Variants in TPTE observed in about 807,000 individuals in gnomAD.
TPTE encodes transmembrane phosphatase with tensin homology.
In TPTE, 59 loss-of-function variants were observed where a neutral mutation model predicts 84.1. The observed-to-expected ratio is 0.70, with a 90% CI of 0.57 to 0.87. The LOEUF (loss-of-function observed/expected upper bound fraction) is 0.87, where lower values mean the gene tolerates loss of function less well. Among genes scored for constraint, TPTE ranks in the 40% least tolerant of loss-of-function variants. The probability of loss-of-function intolerance (pLI) is 0.00; values close to 1 mark genes in which losing one functional copy is unlikely to be tolerated. For missense variants in TPTE, 382 were observed against 659.6 expected, an observed-to-expected ratio of 0.58 and a Z score of 4.61; for synonymous variants, 130 against 223.5, an observed-to-expected ratio of 0.58 and a Z score of 3.73.
At chr21:10,555,346 A>G (rs1209553541) in intron 8 of TPTE, among the ~76,000 whole-genome samples, 32 of 152,286 alleles carry the variant, frequency 2.1e-4, no homozygotes, top group Non-Finnish European at 1.0e-4. Context: ...AGCTGGGACT[A>G]CAGGCATGCA....
At chr21:10,524,170 G>A (rs1242467834) in intron 1 of TPTE, among the ~76,000 whole-genome samples, 10 of 152,422 alleles carry the variant, frequency 6.6e-5, no homozygotes, top group African/African-American at 2.4e-4. Context: ...AGGTCTCTGA[G>A]CAAGGGAGTC....
chr21:10,546,282 C>T (rs957210825), intron 7 of TPTE, among the ~76,000 whole-genome samples: 1 of 152,308 alleles, frequency 6.6e-6, no homozygotes, highest in Non-Finnish European at 1.5e-5. Context: ...GAACCATGTC[C>T]ATATTAAGAT....
At chr21:10,591,127 C>A (rs898394056) in intron 18 of TPTE, among the ~76,000 whole-genome samples, 5 of 152,300 alleles carry the variant, frequency 3.3e-5, no homozygotes, top group African/African-American at 1.2e-4. Context: ...CAAAGCCTCT[C>A]CTGAATGTAA....
chr21:10,549,862 A>G (rs1334649774), intron 7 of TPTE, among the ~76,000 whole-genome samples: 2 of 152,040 alleles, frequency 1.3e-5, no homozygotes, highest in African/African-American at 4.8e-5. Flanking sequence ...CATTCAACCC[A>G]GACATTATAG....
At chr21:10,589,093 C>T (rs573683679) in intron 17 of TPTE, among the ~76,000 whole-genome samples, 406 of 151,304 alleles carry the variant, frequency 2.7e-3, no homozygotes, top group Non-Finnish European at 3.1e-3. Context: ...AGAATTCTTG[C>T]GTGGGTCCTT....
intron 3 of TPTE, among the ~76,000 whole-genome samples, chr21:10,534,268 A>G (rs2074229757): frequency 6.6e-6 from 1 of 152,308 alleles, no homozygotes; most frequent in Non-Finnish European, 1.5e-5. Context: ...TTGGAGATGT[A>G]GGCAGGTGGA....
intron 11 of TPTE, among the ~76,000 whole-genome samples, chr21:10,568,686 C>T (rs377263005): frequency 1.3e-3 from 201 of 152,100 alleles, no homozygotes; most frequent in African/African-American, 4.3e-3. Flanking sequence ...TGACTAGAAA[C>T]GTCAGCATCA....
At chr21:10,575,681 G>A (rs1600935524) in intron 14 of TPTE, among the ~76,000 whole-genome samples, 1 of 152,310 alleles carries the variant, frequency 6.6e-6, no homozygotes, top group East Asian at 1.9e-4. Flanking sequence ...CATCTTTGCT[G>A]TTTCTCAGCC....
chr21:10,538,379 A>G (rs1443986848), intron 3 of TPTE, among the ~76,000 whole-genome samples: 1 of 152,308 alleles, frequency 6.6e-6, no homozygotes, highest in Non-Finnish European at 1.5e-5. Flanking sequence ...ACCTCCACAC[A>G]AAAGTTTAGT....
At chr21:10,523,683 A>C (rs1264261269) in intron 1 of TPTE, among the ~76,000 whole-genome samples, 4 of 152,408 alleles carry the variant, frequency 2.6e-5, no homozygotes, top group East Asian at 1.9e-4. Flanking sequence ...ACATTTTCTT[A>C]ATCCAGTCTA....
chr21:10,548,715 T>A (rs11509396), intron 7 of TPTE, among the ~76,000 whole-genome samples: 2,717 of 151,106 alleles, frequency 0.018, no homozygotes, highest in Non-Finnish European at 0.02. Context: ...ATATATTTGG[T>A]CCATGAGTTT....
At chr21:10,534,536 G>A (rs920386036) in intron 3 of TPTE, among the ~76,000 whole-genome samples, 1 of 152,304 alleles carries the variant, frequency 6.6e-6, no homozygotes, top group Non-Finnish European at 1.5e-5. Context: ...AAATTCACAT[G>A]GTATTTGATT....
chr21:10,553,457 A>G (rs1448187994), intron 8 of TPTE, among the ~76,000 whole-genome samples: 2 of 152,312 alleles, frequency 1.3e-5, no homozygotes, highest in African/African-American at 4.8e-5. Flanking sequence ...TCTTCAAATT[A>G]CCCTGAATTT....
chr21:10,566,308 A>G (rs6582920), intron 10 of TPTE, among the ~76,000 whole-genome samples: 13,460 of 147,248 alleles, frequency 0.091, 5 homozygotes, highest in African/African-American at 0.22. Flanking sequence ...ACCATGAGAT[A>G]TCATCTCACC....
At chr21:10,590,573 G>A (rs780625166) in intron 18 of TPTE, 50 bp downstream of exon 18, 2 of 1,611,206 alleles carry the variant, frequency 1.2e-6, no homozygotes, top group Admixed American at 1.7e-5. Flanking sequence ...GAGTTTGCTA[G>A]TTCTGAAACA....
At chr21:10,581,373 A>T (rs2075268329) in intron 17 of TPTE, among the ~76,000 whole-genome samples, 2 of 152,306 alleles carry the variant, frequency 1.3e-5, no homozygotes, top group South Asian at 4.1e-4. Context: ...TGCTTGAAGG[A>T]AAACAATCAT....
At chr21:10,524,158 T>C (rs2074038066) in intron 1 of TPTE, among the ~76,000 whole-genome samples, 1 of 152,310 alleles carries the variant, frequency 6.6e-6, no homozygotes, top group African/African-American at 2.4e-5. Flanking sequence ...GACCTAGAGG[T>C]GAGGTCTCTG....
chr21:10,585,065 C>T (rs1167786434), intron 17 of TPTE, among the ~76,000 whole-genome samples: 2 of 152,312 alleles, frequency 1.3e-5, no homozygotes, highest in African/African-American at 4.8e-5. Flanking sequence ...AACCCTGTCT[C>T]TACTAAAAAA....
chr21:10,549,046 C>G (rs1600883699), intron 7 of TPTE, among the ~76,000 whole-genome samples: 1 of 152,312 alleles, frequency 6.6e-6, no homozygotes, highest in Admixed American at 6.5e-5. Flanking sequence ...CCACCCCTGG[C>G]AAGGCTGCAC....
Sources: gnomAD v4.1 joint callset for allele counts (sites outside exome capture counted in the v4.1 genomes callset) on GRCh38, gnomAD v4.1.1 for gene constraint, MANE v1.5 for transcripts, NCBI Gene and HGNC (gene_info 2026-07-23, HGNC 2026-07-21) for gene names.